The following LYPD6B variants were observed in gnomAD, a reference collection of about 807,000 sequenced individuals.
LYPD6B encodes ly6/PLAUR domain-containing protein 6B.
In LYPD6B, 17 loss-of-function variants were observed where a neutral mutation model predicts 22.8. The observed-to-expected ratio is 0.75, with a 90% CI of 0.51 to 1.12. LYPD6B has a LOEUF of 1.12. Among genes scored for constraint, LYPD6B ranks in the 50% most tolerant of loss-of-function variants. The pLI is 0.00. For synonymous variants in LYPD6B, 106 were observed against 91.6 expected (o/e 1.16, Z -0.90); for missense variants, 221 against 258.3 (o/e 0.86, Z 0.99).
At chr2:149,051,260 G>T (rs1377545322) in intron 1 of LYPD6B, among the ~76,000 whole-genome samples, 1 of 151,874 alleles carries the variant, frequency 6.6e-6, no homozygotes, top group African/African-American at 2.4e-5. Flanking sequence ...CCGCCTCCTG[G>T]GTTCACACCG....
chr2:149,180,742 C>T (rs940259608), intron 3 of LYPD6B, among the ~76,000 whole-genome samples: 2 of 152,202 alleles, frequency 1.3e-5, no homozygotes, highest in Non-Finnish European at 2.9e-5. Flanking sequence ...TGTGTGCTGT[C>T]CTGGTTAGGA....
intron 1 of LYPD6B, among the ~76,000 whole-genome samples, chr2:149,067,345 A>G (rs1684382228): frequency 6.6e-6 from 1 of 152,108 alleles, no homozygotes. Flanking sequence ...AAATATTTTA[A>G]TCTTTGAATG....
chr2:149,083,054 G>A (rs561203117), intron 1 of LYPD6B, among the ~76,000 whole-genome samples: 2 of 152,294 alleles, frequency 1.3e-5, no homozygotes, highest in East Asian at 1.9e-4. Flanking sequence ...AAAAATCCAC[G>A]TCTCCAGGCT....
At chr2:149,158,072 C>G (rs1328534143) in intron 2 of LYPD6B, among the ~76,000 whole-genome samples, 3 of 152,020 alleles carry the variant, frequency 2.0e-5, no homozygotes, top group Admixed American at 1.3e-4. Context: ...TTTACCAAAC[C>G]CTTAGGGAAG....
chr2:149,073,856 G>A (rs758371051), intron 1 of LYPD6B, among the ~76,000 whole-genome samples: 31 of 152,000 alleles, frequency 2.0e-4, no homozygotes, highest in African/African-American at 7.5e-4. Flanking sequence ...AGCTCAATGA[G>A]AGAGGGAGAG....
chr2:149,191,176 A>G (rs1485844122), intron 3 of LYPD6B, among the ~76,000 whole-genome samples: 1 of 152,158 alleles, frequency 6.6e-6, no homozygotes, highest in African/African-American at 2.4e-5. Flanking sequence ...CAAACTCCAG[A>G]TATATTATTT....
chr2:149,191,069 A>G (rs1692456978), intron 3 of LYPD6B, among the ~76,000 whole-genome samples: 1 of 152,168 alleles, frequency 6.6e-6, no homozygotes, highest in Admixed American at 6.6e-5. Context: ...AAATAGTACA[A>G]TAGACCCCAG....
intron 3 of LYPD6B, among the ~76,000 whole-genome samples, chr2:149,193,249 A>C (rs532650521): frequency 1.5e-4 from 23 of 152,284 alleles, no homozygotes; most frequent in African/African-American, 5.5e-4. Flanking sequence ...GGAATAAAAA[A>C]CAGAAGAATC....
At chr2:149,053,719 C>A (rs2105294628) in intron 1 of LYPD6B, among the ~76,000 whole-genome samples, 1 of 152,300 alleles carries the variant, frequency 6.6e-6, no homozygotes, top group East Asian at 1.9e-4. Context: ...ATCTCATACC[C>A]ATTAACAATT....
intron 1 of LYPD6B, among the ~76,000 whole-genome samples, chr2:149,110,069 A>G (rs975550455): frequency 6.6e-6 from 1 of 152,100 alleles, no homozygotes; most frequent in Non-Finnish European, 1.5e-5. Flanking sequence ...GATGGTTTCT[A>G]TGACTATATT....
At chr2:149,107,247 G>A (rs1449431296) in intron 1 of LYPD6B, among the ~76,000 whole-genome samples, 1 of 152,144 alleles carries the variant, frequency 6.6e-6, no homozygotes, top group Non-Finnish European at 1.5e-5. Flanking sequence ...AACTGAGAAG[G>A]ATACTAAGTG....
At chr2:149,160,212 G>A (rs1313374581) in intron 2 of LYPD6B, among the ~76,000 whole-genome samples, 1 of 152,090 alleles carries the variant, frequency 6.6e-6, no homozygotes, top group African/African-American at 2.4e-5. Flanking sequence ...CATAATTTTT[G>A]TCTTTTATAT....
intron 1 of LYPD6B, among the ~76,000 whole-genome samples, chr2:149,128,464 C>T (rs1687833232): frequency 6.6e-6 from 1 of 152,198 alleles, no homozygotes; most frequent in South Asian, 2.1e-4. Flanking sequence ...ATTTGTTCCA[C>T]ATTACTGTTG....
intron 3 of LYPD6B, among the ~76,000 whole-genome samples, chr2:149,171,976 A>G (rs1690861343): frequency 6.8e-6 from 1 of 146,780 alleles, no homozygotes; most frequent in African/African-American, 2.4e-5. Context: ...TTTCCTCCTC[A>G]TTTTCCGTAT....
intron 3 of LYPD6B, among the ~76,000 whole-genome samples, chr2:149,168,863 G>A (rs1306740284): frequency 6.6e-6 from 1 of 152,080 alleles, no homozygotes; most frequent in Non-Finnish European, 1.5e-5. Flanking sequence ...TTACTTTGGG[G>A]CCTTAGCAGT....
At chr2:149,175,045 C>G (rs1420728830) in intron 3 of LYPD6B, among the ~76,000 whole-genome samples, 1 of 132,676 alleles carries the variant, frequency 7.5e-6, no homozygotes, top group Admixed American at 8.2e-5. Context: ...CTCTCTCTCT[C>G]TCTCTCTCTC....
intron 1 of LYPD6B, among the ~76,000 whole-genome samples, chr2:149,120,213 C>T (rs1331663399): frequency 6.6e-6 from 1 of 150,604 alleles, no homozygotes; most frequent in Non-Finnish European, 1.5e-5. Context: ...GAGAAATTTA[C>T]AGTACTTAGA....
At chr2:149,211,732 A>T (rs1266552794) in intron 5 of LYPD6B, among the ~76,000 whole-genome samples, 1 of 151,954 alleles carries the variant, frequency 6.6e-6, no homozygotes, top group South Asian at 2.1e-4. Context: ...CTTTAGTCCA[A>T]TTTTTTTCCC....
intron 1 of LYPD6B, among the ~76,000 whole-genome samples, chr2:149,110,944 A>G (rs905174864): frequency 6.6e-6 from 1 of 152,164 alleles, no homozygotes; most frequent in South Asian, 2.1e-4. Flanking sequence ...CGAAAAGGTG[A>G]TATTGAAGCA....
Sources: gnomAD v4.1 joint callset for allele counts (sites outside exome capture counted in the v4.1 genomes callset) on GRCh38, gnomAD v4.1.1 for gene constraint, MANE v1.5 for transcripts, NCBI Gene and HGNC (gene_info 2026-07-23, HGNC 2026-07-21) for gene names.